The following NDC1 variants were observed in gnomAD, a reference collection of about 807,000 sequenced individuals.
NDC1 encodes nucleoporin NDC1.
NDC1 carries 24 observed loss-of-function variants against 89.8 expected under a neutral mutation model. That is an observed-to-expected ratio of 0.27 (90% CI 0.19 to 0.38). NDC1 has a LOEUF of 0.38. Among genes scored for constraint, NDC1 ranks in the 10% least tolerant of loss-of-function variants. The pLI is 1.00. For synonymous variants in NDC1, 296 were observed against 284.8 expected (o/e 1.04, Z -0.39); for missense variants, 728 against 797.6 (o/e 0.91, Z 1.05).
At chr1:53,773,166 T>C (rs1647133759) in intron 16 of NDC1, among the ~76,000 whole-genome samples, 1 of 152,144 alleles carries the variant, frequency 6.6e-6, no homozygotes, top group African/African-American at 2.4e-5. Context: ...TTATCTTCCT[T>C]TTCAATTCAG....
intron 4 of NDC1, among the ~76,000 whole-genome samples, chr1:53,827,690 A>G (rs1394700259): frequency 6.6e-6 from 1 of 152,180 alleles, no homozygotes. Context: ...TTGTCTGCAC[A>G]TCTCACTTTC....
At chr1:53,783,972 A>G (rs1471510329) in intron 16 of NDC1, among the ~76,000 whole-genome samples, 1 of 152,174 alleles carries the variant, frequency 6.6e-6, no homozygotes, top group East Asian at 1.9e-4. Context: ...CAAAGGTATG[A>G]ATGACTATAA....
intron 3 of NDC1, among the ~76,000 whole-genome samples, chr1:53,830,009 G>A (rs1271078865): frequency 6.6e-6 from 1 of 151,926 alleles, no homozygotes; most frequent in East Asian, 1.9e-4. Context: ...AAAATAGACG[G>A]GCGAGGTGGC....
chr1:53,806,500 A>T lies in NDC1; in HGVS notation c.909T>A (p.Val303=). 1 of 1,520,728 alleles carries T rather than the reference A, an allele frequency of 6.6e-7. No individual in the cohort carries two copies. Among genetic ancestry groups the T allele is most frequent in the Non-Finnish European group, 8.8e-7 (1 of 1,141,398 alleles). The allele number at this position is 1,520,728 out of a possible 1,614,324, so 94.2% of individuals were successfully genotyped here. Residue 303 remains valine, a synonymous_variant, in exon 9 of 18, where the codon GTT becomes GTA. Coordinates refer to ENST00000371429, the MANE Select transcript of NDC1 (RefSeq NM_018087.5). ...IYATEAHVFP[V]QPPFAEGSDE... ...CTGACCCTTCTGCAAATGGTGGTTG[A>T]ACAGGAAACACATGAGCCTATCAAA...
Position 53,825,942 on chromosome 1 carries a change from G to A in NDC1, c.456-6C>T, listed in dbSNP as rs1419575812. On this transcript the variant is annotated splice_region_variant and splice_polypyrimidine_tract_variant and intron_variant, in intron 4 of 17. Transcript: ENST00000371429. ...GCGCAGCAGGGCTACCAAAGCTGAA[G>A]GGAAAAAATTAAGTTATTAATTCAA... The A allele has an allele frequency of 1.9e-6, 3 of 1,609,320 alleles. No homozygotes were observed. Among genetic ancestry groups the A allele is most frequent in the Non-Finnish European group, 1.7e-6 (2 of 1,178,550 alleles).
intron 16 of NDC1, among the ~76,000 whole-genome samples, chr1:53,778,299 T>G (rs1021759107): frequency 6.0e-5 from 9 of 149,060 alleles, no homozygotes; most frequent in African/African-American, 2.2e-4. Context: ...ACACACACTG[T>G]CACATTTTTA....
intron 13 of NDC1, 28 bp from the exon 14 acceptor site, chr1:53,793,307 A>G: frequency 1.3e-6 from 2 of 1,540,762 alleles, no homozygotes; most frequent in Non-Finnish European, 1.8e-6. Context: ...AAGAATTAAC[A>G]CATTTACCTT....
intron 6 of NDC1, among the ~76,000 whole-genome samples, chr1:53,814,080 G>A (rs534234535): frequency 5.3e-5 from 8 of 152,252 alleles, no homozygotes; most frequent in African/African-American, 1.2e-4. Context: ...TTGGCTGGGC[G>A]CAGTGGCTCA....
chr1:53,834,210 G>A (rs1188185519), intron 2 of NDC1, among the ~76,000 whole-genome samples: 2 of 152,230 alleles, frequency 1.3e-5, no homozygotes, highest in African/African-American at 4.8e-5. Context: ...AAAACCTCTG[G>A]CCATGAAATG....
chr1:53,791,941 T>C (rs1647519384), intron 14 of NDC1, among the ~76,000 whole-genome samples: 1 of 151,184 alleles, frequency 6.6e-6, no homozygotes, highest in South Asian at 2.1e-4. Flanking sequence ...TATTTTCCCC[T>C]TCTTCTTTTT....
intron 16 of NDC1, among the ~76,000 whole-genome samples, chr1:53,783,393 C>T (rs1647235415): frequency 6.6e-6 from 1 of 152,088 alleles, no homozygotes; most frequent in Non-Finnish European, 1.5e-5. Context: ...CATTATAAGC[C>T]TTATATAAGG....
intron 14 of NDC1, among the ~76,000 whole-genome samples, chr1:53,789,741 G>A (rs1004535403): frequency 3.3e-5 from 5 of 150,584 alleles, no homozygotes; most frequent in Non-Finnish European, 5.9e-5. Flanking sequence ...AGAGGTTGCA[G>A]TGAGCTGAGA....
intron 6 of NDC1, 34 bp from the exon 7 acceptor site, chr1:53,809,780 A>G: frequency 6.4e-7 from 1 of 1,573,362 alleles, no homozygotes; most frequent in East Asian, 2.2e-5. Context: ...ATGAACATAA[A>G]AAGTTATAAA....
At chr1:53,815,189 T>C (rs952190601) in intron 6 of NDC1, among the ~76,000 whole-genome samples, 8 of 152,312 alleles carry the variant, frequency 5.3e-5, no homozygotes, top group Admixed American at 2.0e-4. Context: ...TGAATATTGA[T>C]GCTAAAATCC....
At chr1:53,808,916 C>T (rs1195787277) in intron 7 of NDC1, among the ~76,000 whole-genome samples, 2 of 152,118 alleles carry the variant, frequency 1.3e-5, no homozygotes, top group East Asian at 3.8e-4. Flanking sequence ...TTAGTGAATT[C>T]CATATATGAA....
In NDC1 at chr1:53,780,373, C is replaced by T. The variant is rs1647195794; in HGVS notation, c.1800+6785G>A. ...ACAGGCGTGAGCCACCGCGCCCAGC[C>T]TCATACTGCATTTCTATGCACAGTG... On this transcript the variant is annotated intron_variant, in intron 16 of 17. Transcript: ENST00000371429. 2.0e-5 allele frequency among the ~76,000 whole-genome samples: 3 copies of T among 152,230 alleles called. No individual in the cohort carries two copies. The South Asian group carries it at 6.2e-4, about 31-fold the overall frequency.
At position 53,796,612 on chromosome 1, in the gene NDC1, G is replaced by C. The variant is rs185469120; in HGVS notation, c.1584+77C>G. 1.3e-4 allele frequency: 87 copies of C among 670,488 alleles called. No individual in the cohort carries two copies. In the African/African-American group the frequency reaches 1.5e-3, roughly 12 times the overall value. The allele number at this position is 670,488 out of a possible 1,614,324, so 41.5% of individuals were successfully genotyped here. A position where few individuals can be genotyped will look rare whatever the true frequency, so the allele number is the denominator to read the frequency against. On this transcript the variant is annotated intron_variant, in intron 13 of 17. Transcript: ENST00000371429. ...AAAAAAAAAAAAGCTTCTTATTCCT[G>C]ATGACTTACTCATGTGAGATCCTTA...
rs1324769500 is a variant in NDC1, at chr1:53,800,678, A to G, written c.1222+15T>C. 1 of 1,612,468 alleles carries G rather than the reference A, an allele frequency of 6.2e-7. No homozygotes were observed. Among genetic ancestry groups the G allele is most frequent in the Non-Finnish European group, 8.5e-7 (1 of 1,178,578 alleles). On this transcript the variant is annotated intron_variant, in intron 11 of 17. Transcript: ENST00000371429. Reference sequence around the variant, plus strand: ...AATGTAAATGTTTTCCCCTCTTAGTAGTCCTAGGGATTACCTGGAGAATTT... The same window carrying G: ...AATGTAAATGTTTTCCCCTCTTAGTGGTCCTAGGGATTACCTGGAGAATTT...
intron 3 of NDC1, among the ~76,000 whole-genome samples, chr1:53,828,539 GT>G (rs1648950939): frequency 6.6e-6 from 1 of 151,940 alleles, no homozygotes; most frequent in African/African-American, 2.4e-5. Flanking sequence ...TGGTCTTGCA[GT>G]GTGGGAGAGT....
Sources: gnomAD v4.1 joint callset for allele counts (sites outside exome capture counted in the v4.1 genomes callset) on GRCh38, gnomAD v4.1.1 for gene constraint, MANE v1.5 for transcripts, NCBI Gene and HGNC (gene_info 2026-07-23, HGNC 2026-07-21) for gene names.